The following DCAF6 variants were observed in gnomAD, a reference collection of about 807,000 sequenced individuals.
The protein encoded by DCAF6 is DDB1 and CUL4 associated factor 6, also known as DDB1- and CUL4-associated factor 6.
A neutral mutation model predicts 125.1 loss-of-function variants in DCAF6; 54 were observed. The ratio of observed to expected loss-of-function variants is 0.43; its 90% confidence interval spans 0.35 to 0.54. DCAF6 has a LOEUF of 0.54. DCAF6 is among the 20% of genes least tolerant of loss of function. The probability of loss-of-function intolerance (pLI) is 0.01; values close to 1 mark genes in which losing one functional copy is unlikely to be tolerated. For synonymous variants in DCAF6, 371 were observed against 390.4 expected, an observed-to-expected ratio of 0.95 and a Z score of 0.58; for missense variants, 934 against 1,161.7, an observed-to-expected ratio of 0.80 and a Z score of 2.85.
At chr1:167,887,657 G>A in the DCAF6 span, among the ~76,000 whole-genome samples, 1 of 151,460 alleles carries the variant, frequency 6.6e-6, no homozygotes, top group East Asian at 1.9e-4. Flanking sequence ...TAACAAACCT[G>A]CACATTGTGC....
intron 12 of DCAF6, among the ~76,000 whole-genome samples, chr1:168,025,242 T>C (rs192483264): frequency 3.0e-4 from 45 of 152,268 alleles, no homozygotes; most frequent in African/African-American, 9.4e-4. Flanking sequence ...ACATATGATA[T>C]GGGATATAAG....
chr1:168,043,848 T>C (rs1289031455), intron 14 of DCAF6, among the ~76,000 whole-genome samples: 1 of 152,162 alleles, frequency 6.6e-6, no homozygotes, highest in Non-Finnish European at 1.5e-5. Flanking sequence ...GTATTTTCAG[T>C]GGCCAAAACA....
chr1:167,899,518 G>C, the DCAF6 span: 16 of 1,614,072 alleles, frequency 9.9e-6, no homozygotes, highest in African/African-American at 1.1e-4. Context: ...TCATTCATCT[G>C]AGCCATGTTC....
chr1:168,045,404 T>C (rs1275157489), intron 16 of DCAF6, among the ~76,000 whole-genome samples, 177 bp downstream of exon 16: 1 of 152,236 alleles, frequency 6.6e-6, no homozygotes, highest in Non-Finnish European at 1.5e-5. Flanking sequence ...ATTATATTCT[T>C]TGAGCACTGT....
intron 7 of DCAF6, among the ~76,000 whole-genome samples, chr1:167,994,137 A>G (rs756726733): frequency 5.3e-5 from 8 of 152,034 alleles, no homozygotes; most frequent in Non-Finnish European, 1.2e-4. Context: ...ATAAATCACT[A>G]ATTTATTATT....
At chr1:167,987,417 T>G (rs1033118615) in intron 4 of DCAF6, 78 bp from the exon 5 acceptor site, 14 of 733,186 alleles carry the variant, frequency 1.9e-5, no homozygotes, top group Non-Finnish European at 2.9e-5. Flanking sequence ...AATCATTTTA[T>G]GAAATAGTAG....
chr1:167,878,223 C>T, the DCAF6 span, among the ~76,000 whole-genome samples: 3 of 152,150 alleles, frequency 2.0e-5, no homozygotes, highest in Non-Finnish European at 4.4e-5. Context: ...GAATTACCCT[C>T]ATATTCTCAG....
At chr1:168,064,623 C>T (rs563376403) in intron 18 of DCAF6, among the ~76,000 whole-genome samples, 1 of 152,168 alleles carries the variant, frequency 6.6e-6, no homozygotes, top group African/African-American at 2.4e-5. Flanking sequence ...ATAGAAGTAA[C>T]CAATTTATAT....
At position 167,936,883 on chromosome 1, in the gene DCAF6, C is replaced by G. The variant is rs769488065; in HGVS notation, c.-29C>G. ...CTCCTCCCCTCCCCCACGCGGTGGT[C>G]TCCCCTCCCACCCGGCTCAGGCAGA... On this transcript the variant is annotated 5_prime_UTR_variant, in exon 1 of 22. Transcript: ENST00000367840. The G allele has an allele frequency of 3.9e-6, 5 of 1,267,610 alleles. No homozygotes were observed. The African/African-American group carries it at 7.3e-5, about 18-fold the overall frequency. 78.5% of individuals were successfully genotyped at this position (1,267,610 alleles called of 1,614,324 possible). A position where few individuals can be genotyped will look rare whatever the true frequency, so the allele number is the denominator to read the frequency against.
chr1:168,054,431 G>A (rs903578542), intron 17 of DCAF6, among the ~76,000 whole-genome samples: 11 of 152,106 alleles, frequency 7.2e-5, no homozygotes, highest in African/African-American at 2.7e-4. Context: ...ATTCATTCTT[G>A]AGAGTGGAGC....
Position 167,985,184 on chromosome 1 carries a change from C to CGTGTGTGTGTGT in DCAF6, c.439-2295_439-2284dup, listed in dbSNP as rs33966059. 2.7e-3 allele frequency among the ~76,000 whole-genome samples: 397 copies of CGTGTGTGTGTGT among 147,036 alleles called. 3 individuals are homozygous for CGTGTGTGTGTGT. The highest frequency in any genetic ancestry group is 9.2e-3 in the African/African-American group (372 of 40,314). On this transcript the variant is annotated intron_variant, in intron 4 of 21. Transcript: ENST00000367840. The stretch of plus-strand genomic sequence containing the variant: ...AGGTGAGATCATAGCCAAACCACGT[C>CGTGTGTGTGTGT]GTGTGTGTGTGTGTGTGTGTGTGTG...
chr1:167,995,028 G>C (rs1452129136), intron 7 of DCAF6, among the ~76,000 whole-genome samples: 1 of 152,104 alleles, frequency 6.6e-6, no homozygotes, highest in African/African-American at 2.4e-5. Flanking sequence ...ATTTGAATTA[G>C]GAAATTGATG....
At chr1:167,878,569 T>C in the DCAF6 span, 21 of 1,613,920 alleles carry the variant, frequency 1.3e-5, no homozygotes, top group South Asian at 1.1e-5. Context: ...GGTGACAGAG[T>C]CGCAGGTCAC....
chr1:167,954,517 A>G (rs949246928), intron 2 of DCAF6, among the ~76,000 whole-genome samples: 2 of 151,924 alleles, frequency 1.3e-5, no homozygotes, highest in Non-Finnish European at 2.9e-5. Context: ...CAGTGGCACA[A>G]TCTCGGCTCA....
chr1:167,950,792 A>G (rs1294609038), intron 1 of DCAF6, among the ~76,000 whole-genome samples: 7 of 152,216 alleles, frequency 4.6e-5, no homozygotes, highest in Non-Finnish European at 1.0e-4. Flanking sequence ...TTTGGTAAAG[A>G]TGATTCATTC....
intron 10 of DCAF6, among the ~76,000 whole-genome samples, chr1:168,009,554 C>T (rs1400254387): frequency 6.9e-6 from 1 of 145,364 alleles, no homozygotes; most frequent in Non-Finnish European, 1.5e-5. Context: ...CCTCTTTCTC[C>T]TTTTTCTCCT....
At chr1:167,918,873 G>C in the DCAF6 span, among the ~76,000 whole-genome samples, 1 of 152,078 alleles carries the variant, frequency 6.6e-6, no homozygotes, top group Non-Finnish European at 1.5e-5. Context: ...GATTACAGGA[G>C]TGAGCCACCA....
the DCAF6 span, chr1:167,899,523 A>G: frequency 6.2e-7 from 1 of 1,614,232 alleles, no homozygotes; most frequent in African/African-American, 1.3e-5. Context: ...CATCTGAGCC[A>G]TGTTCTGGGC....
chr1:168,000,788 A>G (rs1682502023), intron 7 of DCAF6, among the ~76,000 whole-genome samples: 2 of 152,124 alleles, frequency 1.3e-5, no homozygotes, highest in Admixed American at 1.3e-4. Flanking sequence ...ATGTTTAGAA[A>G]AGGCATATCC....
Sources: gnomAD v4.1 joint callset for allele counts (sites outside exome capture counted in the v4.1 genomes callset) on GRCh38, gnomAD v4.1.1 for gene constraint, MANE v1.5 for transcripts, NCBI Gene and HGNC (gene_info 2026-07-23, HGNC 2026-07-21) for gene names.